SLC35F1: variants seen among roughly 807,000 people sequenced by gnomAD.
The protein encoded by SLC35F1 is chromosome 6 open reading frame 169.
SLC35F1 carries 14 observed loss-of-function variants against 48.7 expected under a neutral mutation model. The observed-to-expected ratio is 0.29, with a 90% CI of 0.19 to 0.45. The LOEUF (loss-of-function observed/expected upper bound fraction) is 0.45. Ranked by LOEUF, SLC35F1 falls within the 20% of genes least tolerant of loss-of-function variation. The pLI, the probability that SLC35F1 is intolerant of heterozygous loss-of-function variation, is 1.00. For missense variants in SLC35F1, 404 were observed against 500.0 expected (o/e 0.81, Z 1.83); for synonymous variants, 190 against 202.2 (o/e 0.94, Z 0.51).
chr6:117,960,997 T>C (rs1394201262), intron 1 of SLC35F1, among the ~76,000 whole-genome samples: 1 of 152,152 alleles, frequency 6.6e-6, no homozygotes, highest in Non-Finnish European at 1.5e-5. Context: ...TGGTACTACT[T>C]AACATAGTAT....
chr6:118,096,396 C>T (rs367742371), intron 1 of SLC35F1, among the ~76,000 whole-genome samples: 5 of 152,116 alleles, frequency 3.3e-5, no homozygotes, highest in South Asian at 4.1e-4. Flanking sequence ...AAAAAATTTT[C>T]GTAGACATAC....
chr6:117,917,136 T>G (rs1000740696), intron 1 of SLC35F1, among the ~76,000 whole-genome samples: 12 of 152,062 alleles, frequency 7.9e-5, no homozygotes, highest in Admixed American at 2.0e-4. Flanking sequence ...AAGCTAAGAT[T>G]AGAATAGCCA....
chr6:118,141,796 T>C (rs1241852980), intron 1 of SLC35F1, among the ~76,000 whole-genome samples: 4 of 152,172 alleles, frequency 2.6e-5, no homozygotes, highest in Non-Finnish European at 5.9e-5. Flanking sequence ...GGTTTGTAAA[T>C]GGTTTCATCT....
chr6:117,964,867 C>T (rs1776541161), intron 1 of SLC35F1, among the ~76,000 whole-genome samples: 2 of 152,176 alleles, frequency 1.3e-5, no homozygotes, highest in Non-Finnish European at 2.9e-5. Flanking sequence ...GACGGGAGGT[C>T]AGTCGCAAAT....
intron 1 of SLC35F1, among the ~76,000 whole-genome samples, chr6:117,923,646 C>CATATATACATATGTATATATGCAT (rs1178826026): frequency 9.8e-5 from 10 of 102,020 alleles, no homozygotes; most frequent in Non-Finnish European, 1.7e-4. Flanking sequence ...TACATATGTA[C>CATATATACATATGTATATATGCAT]ATATGTACAT....
chr6:117,971,569 AC>A (rs1776639008), intron 1 of SLC35F1, among the ~76,000 whole-genome samples: 1 of 151,732 alleles, frequency 6.6e-6, no homozygotes, highest in South Asian at 2.1e-4. Flanking sequence ...TGAGGGGTCC[AC>A]CCCTGCAGTA....
At chr6:118,271,253 T>A (rs1271177684) in intron 4 of SLC35F1, among the ~76,000 whole-genome samples, 1 of 152,188 alleles carries the variant, frequency 6.6e-6, no homozygotes, top group Admixed American at 6.5e-5. Flanking sequence ...ATAAGCAATA[T>A]GTTTAAGGGC....
At chr6:118,086,478 A>G (rs995631440) in intron 1 of SLC35F1, among the ~76,000 whole-genome samples, 3 of 152,194 alleles carry the variant, frequency 2.0e-5, no homozygotes, top group Non-Finnish European at 4.4e-5. Context: ...ACCTCCCTCA[A>G]ATGTCAATTC....
chr6:118,069,589 A>G (rs1255956803), intron 1 of SLC35F1, among the ~76,000 whole-genome samples: 2 of 152,212 alleles, frequency 1.3e-5, no homozygotes. Context: ...TTTATGAGAC[A>G]CATATAAAAA....
intron 2 of SLC35F1, among the ~76,000 whole-genome samples, chr6:118,202,638 A>C (rs1039573653): frequency 3.3e-5 from 5 of 152,254 alleles, no homozygotes; most frequent in Non-Finnish European, 5.9e-5. Flanking sequence ...CATTCTTCTA[A>C]ACACCAAAGT....
intron 1 of SLC35F1, among the ~76,000 whole-genome samples, chr6:118,063,854 CAATT>C (rs1772577172): frequency 6.6e-6 from 1 of 151,294 alleles, no homozygotes; most frequent in African/African-American, 2.4e-5. Flanking sequence ...AACTTAGTAT[CAATT>C]GTTTCTTTTT....
intron 2 of SLC35F1, among the ~76,000 whole-genome samples, chr6:118,204,660 C>A (rs991427213): frequency 6.6e-6 from 1 of 151,998 alleles, no homozygotes; most frequent in Non-Finnish European, 1.5e-5. Flanking sequence ...CTCTTTTGAG[C>A]TTTTATTGAA....
At chr6:118,252,855 C>A (rs531844223) in intron 3 of SLC35F1, among the ~76,000 whole-genome samples, 38 of 152,206 alleles carry the variant, frequency 2.5e-4, no homozygotes, top group African/African-American at 8.9e-4. Context: ...GGAAGTGTGA[C>A]CCCTGGATAT....
intron 1 of SLC35F1, among the ~76,000 whole-genome samples, chr6:118,014,400 G>T (rs1777292542): frequency 6.6e-6 from 1 of 152,128 alleles, no homozygotes; most frequent in Non-Finnish European, 1.5e-5. Context: ...GCTCTACATG[G>T]TTAAGAAATC....
chr6:118,098,733 A>G (rs989332534), intron 1 of SLC35F1, among the ~76,000 whole-genome samples: 4 of 152,240 alleles, frequency 2.6e-5, no homozygotes, highest in African/African-American at 9.6e-5. Flanking sequence ...GCCTTTGGGT[A>G]AGATGACTAG....
At chr6:118,003,282 C>T (rs1023074116) in intron 1 of SLC35F1, among the ~76,000 whole-genome samples, 2 of 152,190 alleles carry the variant, frequency 1.3e-5, no homozygotes, top group East Asian at 1.9e-4. Flanking sequence ...GTTAAGATAA[C>T]TCTTCCAGCA....
chr6:118,036,064 T>A (rs934793066), intron 1 of SLC35F1, among the ~76,000 whole-genome samples: 1 of 152,190 alleles, frequency 6.6e-6, no homozygotes. Flanking sequence ...CTTTTGCTGT[T>A]TCCTAACTTC....
At chr6:117,956,514 C>T (rs955416486) in intron 1 of SLC35F1, among the ~76,000 whole-genome samples, 2 of 152,194 alleles carry the variant, frequency 1.3e-5, no homozygotes, top group African/African-American at 4.8e-5. Flanking sequence ...TACTAGGCAA[C>T]GCGGGGACAG....
chr6:118,021,157 G>A (rs1235006105), intron 1 of SLC35F1, among the ~76,000 whole-genome samples: 1 of 152,126 alleles, frequency 6.6e-6, no homozygotes, highest in East Asian at 1.9e-4. Flanking sequence ...CGCCTCAGGG[G>A]AGGGGAAGGC....
Sources: allele counts gnomAD v4.1 joint callset (sites outside exome capture counted in the v4.1 genomes callset), GRCh38; gene constraint gnomAD v4.1.1; transcripts MANE v1.5; gene names NCBI Gene and HGNC (gene_info 2026-07-23, HGNC 2026-07-21).